Variants in ALKBH8 observed in about 807,000 individuals in gnomAD.
The protein encoded by ALKBH8 is alkB homolog 8, tRNA methyltransferase.
Under a neutral mutation model 59.8 loss-of-function variants are expected in ALKBH8, and 36 were observed. That is an observed-to-expected ratio of 0.60 (90% CI 0.46 to 0.79). The LOEUF (loss-of-function observed/expected upper bound fraction) is 0.79. Among genes scored for constraint, ALKBH8 ranks in the 30% least tolerant of loss-of-function variants. The pLI, the probability that ALKBH8 is intolerant of heterozygous loss-of-function variation, is 0.00. For missense variants in ALKBH8, 768 were observed against 801.0 expected, an observed-to-expected ratio of 0.96 and a Z score of 0.50; for synonymous variants, 276 against 273.6, an observed-to-expected ratio of 1.01 and a Z score of -0.09.
At chr11:107,552,610 A>G (rs1864543216) in intron 5 of ALKBH8, among the ~76,000 whole-genome samples, 1 of 152,204 alleles carries the variant, frequency 6.6e-6, no homozygotes, top group Non-Finnish European at 1.5e-5. Flanking sequence ...GGAATGGGGA[A>G]GTAGGTACAC....
At chr11:107,561,190 G>C (rs1488580316) in intron 1 of ALKBH8, among the ~76,000 whole-genome samples, 1 of 152,046 alleles carries the variant, frequency 6.6e-6, no homozygotes, top group Non-Finnish European at 1.5e-5. Context: ...TACTTATGAG[G>C]TCCTAAGTAA....
In ALKBH8 at chr11:107,503,289, C is replaced by T. The variant is rs1862249441; in HGVS notation, c.*1369G>A. 6.6e-6 allele frequency: 1 copy of T among 151,968 alleles called. No individual in the cohort carries two copies. The highest frequency in any genetic ancestry group is 1.5e-5 in the Non-Finnish European group (1 of 67,978). The allele number at this position is 151,968 out of a possible 1,614,324, so 9.4% of individuals were successfully genotyped here. ...ACACCAGGATGTTGGACTGAAATTC[C>T]ATGAAAAAAATAATCATCCTCTCAT... is the stretch of plus-strand genomic sequence containing the variant. On this transcript the variant is annotated 3_prime_UTR_variant, in exon 12 of 12. Coordinates refer to ENST00000428149, the MANE Select transcript of ALKBH8 (RefSeq NM_138775.3).
At chr11:107,513,756 G>A (rs1862737133) in intron 10 of ALKBH8, among the ~76,000 whole-genome samples, 1 of 152,150 alleles carries the variant, frequency 6.6e-6, no homozygotes, top group Non-Finnish European at 1.5e-5. Context: ...GGATGGACCT[G>A]GAGGCCATTA....
At chr11:107,506,461 T>C (rs574872957) in intron 11 of ALKBH8, among the ~76,000 whole-genome samples, 1 of 151,646 alleles carries the variant, frequency 6.6e-6, no homozygotes, top group Admixed American at 6.6e-5. Flanking sequence ...TTTTAATAAC[T>C]ATGGTTAGTA....
rs780380373 is a variant in ALKBH8 at position 107,556,888 on chromosome 11, T to C, written c.245A>G (p.Tyr82Cys). The C allele has an allele frequency of 6.2e-7, 1 of 1,611,804 alleles. No individual in the cohort carries two copies. Among genetic ancestry groups the C allele is most frequent in the Non-Finnish European group, 8.5e-7 (1 of 1,178,870 alleles). Residue 82 changes from tyrosine to cysteine, a missense_variant, in exon 3 of 12, where the codon TAC becomes TGC. Physicochemically the swap from Tyr to Cys is radical, Grantham distance 194. Coordinates refer to ENST00000428149, the MANE Select transcript of ALKBH8 (RefSeq NM_138775.3). ...TGTAGTTCTGTATCTTGCAAATGAG[T>C]ACGGCTTGTTAGGTGGCATTAAGAG... ...DALLMPPNKPYSFARYRTTEE... is the reference protein window; with the variant it reads ...DALLMPPNKPCSFARYRTTEE...
Position 107,504,110 on chromosome 11 carries a change from A to G in ALKBH8, c.*548T>C, listed in dbSNP as rs1862278343. On this transcript the variant is annotated 3_prime_UTR_variant, in exon 12 of 12. Transcript: ENST00000428149. ...GGTTCAAAAAATAGTTTTTGAATGA[A>G]ACTCCTACTAAGTTCTGGGTATTAT... 1 of 167,082 alleles carries G rather than the reference A, an allele frequency of 6.0e-6. No individual in the cohort carries two copies. The highest frequency in any genetic ancestry group is 1.3e-5 in the Non-Finnish European group (1 of 78,666). 10.3% of individuals were successfully genotyped at this position (167,082 alleles called of 1,614,324 possible).
chr11:107,527,587 T>C (rs1488425467), intron 8 of ALKBH8, among the ~76,000 whole-genome samples: 5 of 152,034 alleles, frequency 3.3e-5, no homozygotes, highest in Non-Finnish European at 7.4e-5. Context: ...TTCTGAGTAC[T>C]GGAAAGGAAA....
intron 10 of ALKBH8, 135 bp downstream of exon 10, chr11:107,522,164 A>C: frequency 9.0e-7 from 1 of 1,114,050 alleles, no homozygotes. Context: ...GAATAAAAAA[A>C]ATCATTAATT....
At position 107,522,230 on chromosome 11, in the gene ALKBH8, A is replaced by G. The variant is rs907914367; in HGVS notation, c.1287+69T>C. 25 of 1,499,628 alleles carry G rather than the reference A, an allele frequency of 1.7e-5. No homozygotes were observed. The African/African-American group carries it at 3.2e-4, about 19-fold the overall frequency. 92.9% of individuals were successfully genotyped at this position (1,499,628 alleles called of 1,614,324 possible). A position where few individuals can be genotyped will look rare whatever the true frequency, so the allele number is the denominator to read the frequency against. On this transcript the variant is annotated intron_variant, in intron 10 of 11. Coordinates refer to ENST00000428149, the MANE Select transcript of ALKBH8 (RefSeq NM_138775.3). ...TGATCTAAAAAAACAGGATTATATCATGAGGAAGAAAGATGATGATAACCA... is the reference window on the plus strand; with the variant it reads ...TGATCTAAAAAAACAGGATTATATCGTGAGGAAGAAAGATGATGATAACCA...
intron 8 of ALKBH8, among the ~76,000 whole-genome samples, chr11:107,529,574 G>A (rs980139488): frequency 5.3e-5 from 8 of 151,732 alleles, no homozygotes; most frequent in Admixed American, 4.6e-4. Context: ...ACGCGATCTT[G>A]GCTCACTGCA....
intron 4 of ALKBH8, 34 bp downstream of exon 4, chr11:107,553,813 C>G (rs747960261): frequency 4.4e-6 from 7 of 1,592,182 alleles, no homozygotes; most frequent in Non-Finnish European, 6.0e-6. Context: ...TTTGCAGAAA[C>G]TTTCAAATAT....
chr11:107,532,255 G>A (rs1467184105), intron 8 of ALKBH8, 45 bp downstream of exon 8: 3 of 1,517,510 alleles, frequency 2.0e-6, no homozygotes, highest in Non-Finnish European at 2.7e-6. Context: ...AGAAGAATGA[G>A]AAGTCTCATA....
rs749590489 is a variant in ALKBH8, at chr11:107,532,382, C to T, written c.796G>A (p.Asp266Asn). 3 of 1,613,492 alleles carry T rather than the reference C, an allele frequency of 1.9e-6. No individual in the cohort carries two copies. The highest frequency in any genetic ancestry group is 2.5e-6 in the Non-Finnish European group (3 of 1,179,588). ...AACATAACTGGCACTGCAATGCCATCTGGGTGCTTAAAATCCATGACAATC... is the reference window on the plus strand; with the variant it reads ...AACATAACTGGCACTGCAATGCCATTTGGGTGCTTAAAATCCATGACAATC... ...SEIVMDFKHP[D>N]GIAVPVMLPR... Residue 266 changes from aspartate (D) to asparagine (N), a missense_variant, in exon 8 of 12, where the codon GAT becomes AAT. Physicochemically the swap from Asp to Asn is conservative, Grantham distance 23. Transcript: ENST00000428149.
At chr11:107,537,905 C>T (rs1023189461) in intron 7 of ALKBH8, among the ~76,000 whole-genome samples, 1 of 152,128 alleles carries the variant, frequency 6.6e-6, no homozygotes, top group Non-Finnish European at 1.5e-5. Flanking sequence ...AGAAAGACCA[C>T]AGAAGGAAAA....
chr11:107,534,493 G>A (rs554582122), intron 7 of ALKBH8, among the ~76,000 whole-genome samples: 2 of 152,192 alleles, frequency 1.3e-5, no homozygotes, highest in African/African-American at 4.8e-5. Context: ...GGCTAATATT[G>A]AACATGTTTT....
intron 1 of ALKBH8, among the ~76,000 whole-genome samples, chr11:107,562,992 T>C (rs576331719): frequency 1.3e-5 from 2 of 152,256 alleles, no homozygotes; most frequent in Admixed American, 6.5e-5. Flanking sequence ...TGCTACCACT[T>C]CAAAACTGGA....
intron 4 of ALKBH8, among the ~76,000 whole-genome samples, chr11:107,553,520 A>G (rs1486849501): frequency 6.6e-6 from 1 of 152,104 alleles, no homozygotes; most frequent in East Asian, 1.9e-4. Flanking sequence ...AGCTCTCACT[A>G]TATTATAATA....
intron 2 of ALKBH8, among the ~76,000 whole-genome samples, chr11:107,560,544 C>T (rs935948015): frequency 6.6e-6 from 1 of 152,060 alleles, no homozygotes; most frequent in African/African-American, 2.4e-5. Flanking sequence ...TAATATATAA[C>T]TACAACCTCT....
chr11:107,542,739 G>A (rs550227451), intron 7 of ALKBH8, among the ~76,000 whole-genome samples: 5 of 152,202 alleles, frequency 3.3e-5, no homozygotes, highest in African/African-American at 1.2e-4. Context: ...GCAAAACCCC[G>A]TTTCTACAAA....
Sources: gnomAD v4.1 joint callset for allele counts (sites outside exome capture counted in the v4.1 genomes callset) on GRCh38, gnomAD v4.1.1 for gene constraint, MANE v1.5 for transcripts, NCBI Gene and HGNC (gene_info 2026-07-23, HGNC 2026-07-21) for gene names.